The following TAAR5 variants were observed in gnomAD, a reference collection of about 807,000 sequenced individuals.
TAAR5 encodes the protein trace amine-associated receptor 5.
Under a neutral mutation model 21.1 loss-of-function variants are expected in TAAR5, and 27 were observed. The ratio of observed to expected loss-of-function variants is 1.28; its 90% CI spans 0.94 to 1.76. TAAR5 has a LOEUF of 1.76. Ranked by LOEUF, TAAR5 falls within the 40% of genes most tolerant of loss-of-function variation. The pLI, the probability that TAAR5 is intolerant of heterozygous loss-of-function variation, is 0.00. For synonymous variants in TAAR5, 203 were observed against 167.5 expected (o/e 1.21, Z -1.64); for missense variants, 495 against 405.6 (o/e 1.22, Z -1.89).
chr6:132,589,024 C>G lies in TAAR5; in HGVS notation c.663G>C (p.Lys221Asn), dbSNP rs1466717556. The change falls in exon 1 of 1, where the codon AAG (lysine) becomes AAC (asparagine). Residue 221 changes from lysine to asparagine, a missense_variant. Transcript: ENST00000258034. ...CCTGTCTGGTAGCAACCACAAAGAT[C>G]TTCACATACAAGCTGATCATAATGA... ...PCLIMISLYV[K>N]IFVVATRQAQ... 1 of 1,613,956 alleles carries G rather than the reference C, an allele frequency of 6.2e-7. No individual in the cohort carries two copies. Among genetic ancestry groups the G allele is most frequent in the African/African-American group, 1.3e-5 (1 of 74,902 alleles).
the TAAR5 span, among the ~76,000 whole-genome samples, chr6:132,615,749 T>G: frequency 6.6e-6 from 1 of 151,882 alleles, no homozygotes; most frequent in Non-Finnish European, 1.5e-5. Context: ...ACTGACAGAT[T>G]TACTTTCATA....
At chr6:132,598,074 T>C in the TAAR5 span, among the ~76,000 whole-genome samples, 22,965 of 152,144 alleles carry the variant, frequency 0.15, 2,266 homozygotes, top group African/African-American at 0.27. Context: ...GGGGAGGACG[T>C]ATCATACCTG....
the TAAR5 span, among the ~76,000 whole-genome samples, chr6:132,607,609 C>G: frequency 7.2e-5 from 11 of 152,132 alleles, no homozygotes; most frequent in Middle Eastern, 3.2e-3. Flanking sequence ...AAAGTCACTT[C>G]AAATGTAAAC....
At chr6:132,611,101 A>G in the TAAR5 span, among the ~76,000 whole-genome samples, 1 of 152,140 alleles carries the variant, frequency 6.6e-6, no homozygotes, top group African/African-American at 2.4e-5. Context: ...AAAGAATGAA[A>G]TCTTGTCATC....
chr6:132,607,186 C>T, the TAAR5 span, among the ~76,000 whole-genome samples: 1 of 151,936 alleles, frequency 6.6e-6, no homozygotes, highest in Non-Finnish European at 1.5e-5. Flanking sequence ...CAGAGTGAGA[C>T]CCTGTCTCAA....
the TAAR5 span, among the ~76,000 whole-genome samples, chr6:132,604,146 C>CT: frequency 0.17 from 20,886 of 125,890 alleles, 2,233 homozygotes; most frequent in South Asian, 0.31. Context: ...TTTTTCTTTT[C>CT]TTTTTTTTTT....
chr6:132,592,744 T>C (rs1319293929), upstream of TAAR5, among the ~76,000 whole-genome samples: 1 of 152,172 alleles, frequency 6.6e-6, no homozygotes, highest in African/African-American at 2.4e-5. Context: ...AATTGTAAAT[T>C]CCCTGAGGCC....
In TAAR5 at chr6:132,589,610, C is replaced by T. The variant is rs771024694; in HGVS notation, c.77G>A (p.Arg26Lys). ...FCYQVNGSCPRTVHTLGIQLV... is the reference protein window; with the variant it reads ...FCYQVNGSCPKTVHTLGIQLV... ...CTGGATGCCCAGAGTATGTACTGTCCTGGGGCAAGACCCATTCACCTGGTA... is the reference window on the plus strand; with the variant it reads ...CTGGATGCCCAGAGTATGTACTGTCTTGGGGCAAGACCCATTCACCTGGTA... Residue 26 changes from arginine (R) to lysine (K), a missense_variant, in exon 1 of 1, where the codon AGG (arginine) becomes AAG (lysine). By Grantham distance (26) the Arg-to-Lys change is conservative (BLOSUM62 2). Coordinates refer to ENST00000258034, the MANE Select transcript of TAAR5 (RefSeq NM_003967.3). 2.2e-5 allele frequency: 35 copies of T among 1,613,738 alleles called. No individual in the cohort carries two copies. Among genetic ancestry groups the T allele is most frequent in the Admixed American group, 5.0e-5 (3 of 59,976 alleles).
chr6:132,605,809 A>G, the TAAR5 span, among the ~76,000 whole-genome samples: 2 of 146,152 alleles, frequency 1.4e-5, no homozygotes, highest in Non-Finnish European at 3.0e-5. Flanking sequence ...ATGCATCTGT[A>G]TGTTCATCTC....
the TAAR5 span, among the ~76,000 whole-genome samples, chr6:132,610,273 T>G: frequency 6.6e-6 from 1 of 152,190 alleles, no homozygotes; most frequent in East Asian, 1.9e-4. Flanking sequence ...CTTGACATTG[T>G]GCCTATAACA....
the TAAR5 span, among the ~76,000 whole-genome samples, chr6:132,607,527 G>A: frequency 1.3e-5 from 2 of 152,132 alleles, no homozygotes; most frequent in Non-Finnish European, 2.9e-5. Context: ...AGCACAAGGA[G>A]AGGCCTTGTG....
chr6:132,593,091 G>A (rs535434111), upstream of TAAR5, among the ~76,000 whole-genome samples: 8 of 152,274 alleles, frequency 5.3e-5, no homozygotes, highest in South Asian at 1.7e-3. Flanking sequence ...CTTCTCTGAT[G>A]CTCTAACTCC....
the TAAR5 span, among the ~76,000 whole-genome samples, chr6:132,601,588 ACATG>A: frequency 7.0e-4 from 106 of 152,372 alleles, no homozygotes; most frequent in East Asian, 0.014. Flanking sequence ...TCATAAAGAA[ACATG>A]TTTGTGGATA....
Position 132,589,526 on chromosome 6 carries a change from A to G in TAAR5, c.161T>C (p.Phe54Ser), listed in dbSNP as rs201805599. ...GAAGTAGGACACAGCAAATGCCACA[A>G]ATACATTCCCTAGCACGATAATCAG... Reference protein sequence around the residue: ...GMLIIVLGNVFVAFAVSYFKA... With the variant: ...GMLIIVLGNVSVAFAVSYFKA... The change falls in exon 1 of 1, where the codon TTT (phenylalanine) becomes TCT (serine). Residue 54 changes from phenylalanine to serine, a missense_variant. Phe to Ser is a radical substitution (Grantham distance 155, BLOSUM62 -2). Transcript: ENST00000258034. The G allele has an allele frequency of 2.9e-4, 470 of 1,613,908 alleles. No individual in the cohort carries two copies. Among genetic ancestry groups the G allele is most frequent in the Non-Finnish European group, 3.8e-4 (444 of 1,179,984 alleles).
the TAAR5 span, among the ~76,000 whole-genome samples, chr6:132,615,947 A>G: frequency 6.6e-6 from 1 of 151,826 alleles, no homozygotes; most frequent in Non-Finnish European, 1.5e-5. Context: ...TCATGAGGCT[A>G]TACTTAGCCT....
Position 132,589,580 on chromosome 6 carries a change from A to G in TAAR5, c.107T>C (p.Val36Ala). The G allele has an allele frequency of 6.2e-7, 1 of 1,613,924 alleles. No individual in the cohort carries two copies. The highest frequency in any genetic ancestry group is 8.5e-7 in the Non-Finnish European group (1 of 1,179,942). The stretch of plus-strand genomic sequence containing the variant: ...GCCTGCTGCACAGGCCAGGTAGATG[A>G]CCAACTGGATGCCCAGAGTATGTAC... ...RTVHTLGIQL[V>A]IYLACAAGML... The change falls in exon 1 of 1, where the codon GTC becomes GCC. Residue 36 changes from valine (V) to alanine (A), a missense_variant. Physicochemically the swap from Val to Ala is moderately conservative, Grantham distance 64. Transcript: ENST00000258034.
At chr6:132,601,172 G>A in the TAAR5 span, among the ~76,000 whole-genome samples, 1 of 151,776 alleles carries the variant, frequency 6.6e-6, no homozygotes, top group Non-Finnish European at 1.5e-5. Flanking sequence ...AAAGAAGGAA[G>A]AGACAAAGAA....
chr6:132,604,878 AG>A, the TAAR5 span, among the ~76,000 whole-genome samples: 1 of 152,196 alleles, frequency 6.6e-6, no homozygotes, highest in Non-Finnish European at 1.5e-5. Context: ...CAGCAATAGC[AG>A]GGAACCGCCA....
At chr6:132,605,088 A>T in the TAAR5 span, among the ~76,000 whole-genome samples, 6 of 152,220 alleles carry the variant, frequency 3.9e-5, no homozygotes, top group Non-Finnish European at 1.5e-5. Flanking sequence ...GTGCTTCCCA[A>T]TGGTAAACTG....
Sources: allele counts gnomAD v4.1 joint callset (sites outside exome capture counted in the v4.1 genomes callset), GRCh38; gene constraint gnomAD v4.1.1; transcripts MANE v1.5; gene names NCBI Gene and HGNC (gene_info 2026-07-23, HGNC 2026-07-21).